Variants in NIBAN1 observed in about 807,000 individuals in gnomAD.
The protein encoded by NIBAN1 is niban apoptosis regulator 1, also known as protein Niban 1.
A neutral mutation model predicts 75.1 loss-of-function variants in NIBAN1; 81 were observed. The observed-to-expected ratio is 1.08, with a 90% CI of 0.90 to 1.30. The LOEUF (loss-of-function observed/expected upper bound fraction) is 1.30. Among genes scored for constraint, NIBAN1 ranks in the 50% most tolerant of loss-of-function variants. The probability of loss-of-function intolerance (pLI) is 0.00; values close to 1 mark genes in which losing one functional copy is unlikely to be tolerated. For missense variants in NIBAN1, 1,133 were observed against 1,128.1 expected, an observed-to-expected ratio of 1.00 and a Z score of -0.06; for synonymous variants, 436 against 424.8, an observed-to-expected ratio of 1.03 and a Z score of -0.32.
At position 184,898,760 on chromosome 1, in the gene NIBAN1, T is replaced by C. The variant is rs977422438; in HGVS notation, c.186+419A>G. On this transcript the variant is annotated intron_variant, in intron 2 of 13. Coordinates refer to ENST00000367511, the MANE Select transcript of NIBAN1 (RefSeq NM_052966.4). ...GAACTTGTCTTAATTCCCCAGTTCT[T>C]GGACTATAGCCTAGCACATAGTAGG... 6.6e-5 allele frequency among the ~76,000 whole-genome samples: 10 copies of C among 152,250 alleles called. No individual in the cohort carries two copies. The East Asian group carries it at 1.7e-3, about 26-fold the overall frequency.
chr1:184,973,088 A>G (rs1421535497), intron 1 of NIBAN1, among the ~76,000 whole-genome samples: 1 of 152,210 alleles, frequency 6.6e-6, no homozygotes, highest in Non-Finnish European at 1.5e-5. Flanking sequence ...AGCTTAGTTC[A>G]GCTCTTTTAC....
intron 12 of NIBAN1, among the ~76,000 whole-genome samples, chr1:184,799,891 G>A (rs1321704547): frequency 2.0e-5 from 2 of 98,008 alleles, no homozygotes; most frequent in East Asian, 3.5e-4. Flanking sequence ...GACTACAGGC[G>A]CCCGCTACCA....
chr1:184,920,897 G>T (rs1324936988), intron 1 of NIBAN1, among the ~76,000 whole-genome samples: 1 of 152,156 alleles, frequency 6.6e-6, no homozygotes, highest in Non-Finnish European at 1.5e-5. Context: ...ACCTTGGAAG[G>T]CCAAGGCAGG....
At chr1:184,912,618 G>C (rs898431630) in intron 1 of NIBAN1, among the ~76,000 whole-genome samples, 1 of 151,868 alleles carries the variant, frequency 6.6e-6, no homozygotes, top group African/African-American at 2.4e-5. Flanking sequence ...TGGCCATTGC[G>C]GTTTCTTATC....
intron 5 of NIBAN1, among the ~76,000 whole-genome samples, chr1:184,883,421 C>G (rs769607462): frequency 2.8e-4 from 43 of 152,350 alleles, no homozygotes; most frequent in Non-Finnish European, 5.6e-4. Flanking sequence ...TACGTAGAGG[C>G]TGGCACAGAG....
chr1:184,965,556 C>G (rs558547565), intron 1 of NIBAN1, among the ~76,000 whole-genome samples: 23 of 152,068 alleles, frequency 1.5e-4, no homozygotes, highest in Non-Finnish European at 2.2e-4. Flanking sequence ...AAACCAAATG[C>G]CATTTATTCT....
chr1:184,885,889 A>G (rs994454564), intron 4 of NIBAN1, among the ~76,000 whole-genome samples: 3 of 151,866 alleles, frequency 2.0e-5, no homozygotes, highest in Non-Finnish European at 4.4e-5. Context: ...GGTTTCCTTC[A>G]TGCTTTGTAG....
chr1:184,911,299 C>T (rs1657235584), intron 1 of NIBAN1, among the ~76,000 whole-genome samples: 1 of 152,076 alleles, frequency 6.6e-6, no homozygotes. Flanking sequence ...ATCAGCATGC[C>T]AATGTGTTTC....
In NIBAN1 at chr1:184,884,786, CCTT is replaced by C; in HGVS notation, c.445_447del (p.Lys149del). On this transcript the variant is annotated inframe_deletion, in exon 5 of 14. Coordinates refer to ENST00000367511, the MANE Select transcript of NIBAN1 (RefSeq NM_052966.4). Reference sequence around the variant, plus strand: ...AGGACCACAAAGGGCTGAGTGTTCTCCTTCTCACTGGAGGCTAAAGAAATATTG... The same window carrying C: ...AGGACCACAAAGGGCTGAGTGTTCTCCTCACTGGAGGCTAAAGAAATATTG... The C allele has an allele frequency of 1.2e-6, 2 of 1,613,846 alleles. No individual in the cohort carries two copies. The highest frequency in any genetic ancestry group is 2.2e-5 in the East Asian group (1 of 44,880).
chr1:184,820,405 A>T (rs1335494419), intron 8 of NIBAN1, among the ~76,000 whole-genome samples: 1 of 152,078 alleles, frequency 6.6e-6, no homozygotes, highest in Non-Finnish European at 1.5e-5. Flanking sequence ...CCCTCTCTGC[A>T]CCTTTATTCA....
At chr1:184,819,163 A>G (rs1339878330) in intron 8 of NIBAN1, among the ~76,000 whole-genome samples, 1 of 152,180 alleles carries the variant, frequency 6.6e-6, no homozygotes, top group African/African-American at 2.4e-5. Context: ...AATCACTATC[A>G]TTAAATATGC....
intron 1 of NIBAN1, among the ~76,000 whole-genome samples, chr1:184,931,202 G>A (rs990172328): frequency 6.6e-6 from 1 of 152,012 alleles, no homozygotes; most frequent in Admixed American, 6.6e-5. Context: ...GTTTCACCAT[G>A]TTGGCCAGGC....
Position 184,842,539 on chromosome 1 carries a change from G to A in NIBAN1, c.602-10577C>T, listed in dbSNP as rs191819622. Among the ~76,000 whole-genome samples the A allele has an allele frequency of 2.7e-3, 411 of 152,118 alleles. 1 individual carries two copies. The highest frequency in any genetic ancestry group is 9.4e-3 in the African/African-American group (389 of 41,512). On this transcript the variant is annotated intron_variant, in intron 5 of 13. Transcript: ENST00000367511. ...GAGGCCGAGGCAGGCGGATTACCTG[G>A]GGTCAGGAGTTTGAGACCAGCCTGG...
At chr1:184,895,889 A>AT (rs1265202367) in intron 2 of NIBAN1, among the ~76,000 whole-genome samples, 10 of 152,092 alleles carry the variant, frequency 6.6e-5, no homozygotes, top group African/African-American at 2.4e-4. Context: ...AAAGGGTATG[A>AT]TTTTGTTCTT....
intron 2 of NIBAN1, among the ~76,000 whole-genome samples, chr1:184,894,781 A>G (rs1292096621): frequency 6.6e-6 from 1 of 152,208 alleles, no homozygotes; most frequent in Non-Finnish European, 1.5e-5. Flanking sequence ...GTATCAAGCC[A>G]GAACACCTGA....
intron 1 of NIBAN1, among the ~76,000 whole-genome samples, chr1:184,952,743 T>C (rs565445139): frequency 6.6e-6 from 1 of 152,288 alleles, no homozygotes; most frequent in African/African-American, 2.4e-5. Flanking sequence ...CCTAAGTAAG[T>C]TTTTTTGAAA....
intron 1 of NIBAN1, among the ~76,000 whole-genome samples, chr1:184,948,446 A>C (rs993448322): frequency 6.6e-6 from 1 of 152,230 alleles, no homozygotes; most frequent in Non-Finnish European, 1.5e-5. Context: ...TGTGGCTGAT[A>C]TATTATGCAT....
intron 1 of NIBAN1, among the ~76,000 whole-genome samples, chr1:184,910,134 G>A (rs1465939584): frequency 6.6e-6 from 1 of 151,982 alleles, no homozygotes; most frequent in Non-Finnish European, 1.5e-5. Flanking sequence ...TTGGAGTCTA[G>A]GCCTCATAGG....
intron 5 of NIBAN1, among the ~76,000 whole-genome samples, chr1:184,867,464 A>C (rs1012800114): frequency 6.6e-6 from 1 of 152,196 alleles, no homozygotes; most frequent in Non-Finnish European, 1.5e-5. Flanking sequence ...GAAAATACCT[A>C]ATCTGATATC....
Sources: allele counts gnomAD v4.1 joint callset (sites outside exome capture counted in the v4.1 genomes callset), GRCh38; gene constraint gnomAD v4.1.1; transcripts MANE v1.5; gene names NCBI Gene and HGNC (gene_info 2026-07-23, HGNC 2026-07-21).